PTPRG: variants seen among roughly 807,000 people sequenced by gnomAD.
The protein encoded by PTPRG is protein tyrosine phosphatase receptor type G, also known as receptor-type tyrosine-protein phosphatase gamma.
Under a neutral mutation model 165.3 loss-of-function variants are expected in PTPRG, and 102 were observed. That is an observed-to-expected ratio of 0.62 (90% confidence interval 0.53 to 0.73). The LOEUF (loss-of-function observed/expected upper bound fraction) is 0.73, where lower values mean the gene tolerates loss of function less well. PTPRG is among the 30% of genes least tolerant of loss of function. The probability of loss-of-function intolerance (pLI) is 0.00; values close to 1 mark genes in which losing one functional copy is unlikely to be tolerated. For synonymous variants in PTPRG, 675 were observed against 669.5 expected, an observed-to-expected ratio of 1.01 and a Z score of -0.13; for missense variants, 1,866 against 1,861.4, an observed-to-expected ratio of 1.00 and a Z score of -0.05.
chr3:62,020,656 C>G (rs1379046405), intron 4 of PTPRG, among the ~76,000 whole-genome samples: 1 of 152,034 alleles, frequency 6.6e-6, no homozygotes, highest in Non-Finnish European at 1.5e-5. Context: ...CAGAGGGCAG[C>G]ACCCAGGCCA....
intron 5 of PTPRG, among the ~76,000 whole-genome samples, chr3:62,128,307 T>C (rs527353194): frequency 6.6e-6 from 1 of 152,260 alleles, no homozygotes; most frequent in East Asian, 1.9e-4. Context: ...CATAACTCCT[T>C]TGATCTTAAA....
rs73107184 is a variant in PTPRG, at chr3:61,752,833, T to G, written c.190+3851T>G. On this transcript the variant is annotated intron_variant, in intron 2 of 29. Transcript: ENST00000474889. ...AAAAAAGAAAATATTTGCCAACTCC[T>G]GCTTATAGTAATATAGCCTGGGTTT... Among the ~76,000 whole-genome samples the G allele has an allele frequency of 6.2e-3, 935 of 150,574 alleles. 7 individuals are homozygous for G. The highest frequency in any genetic ancestry group is 0.011 in the Admixed American group (163 of 15,078).
intron 2 of PTPRG, among the ~76,000 whole-genome samples, chr3:61,817,956 G>A (rs1438939770): frequency 6.6e-6 from 1 of 152,184 alleles, no homozygotes; most frequent in East Asian, 1.9e-4. Context: ...TGAGAGTCAA[G>A]TATAGACAAG....
At chr3:62,286,975 T>C (rs567850818) in intron 28 of PTPRG, among the ~76,000 whole-genome samples, 1 of 152,282 alleles carries the variant, frequency 6.6e-6, no homozygotes, top group South Asian at 2.1e-4. Flanking sequence ...TTGATTTGAC[T>C]TGCGAGTTTC....
At chr3:62,079,556 G>A (rs147423051) in intron 5 of PTPRG, among the ~76,000 whole-genome samples, 1 of 152,162 alleles carries the variant, frequency 6.6e-6, no homozygotes, top group Non-Finnish European at 1.5e-5. Context: ...GTGTATGCTG[G>A]GTCATGATAT....
rs576669252 is a variant in PTPRG, at chr3:62,109,477, G to A, written c.616-23125G>A. Among the ~76,000 whole-genome samples the A allele has an allele frequency of 1.8e-3, 276 of 152,278 alleles. 4 individuals are homozygous for A. In the South Asian group the frequency reaches 0.031, roughly 17 times the overall value. ...GCAGTGTAGTTTGAAGTCAGATAGC[G>A]TGATGCCTCCAGCTTTGTTCTTCTT... On this transcript the variant is annotated intron_variant, in intron 5 of 29. Transcript: ENST00000474889.
chr3:61,616,850 C>G (rs963028875), intron 1 of PTPRG, among the ~76,000 whole-genome samples: 1 of 152,326 alleles, frequency 6.6e-6, no homozygotes, highest in South Asian at 2.1e-4. Context: ...GGGACTGAGG[C>G]ACTGCTGCTG....
At chr3:61,941,290 T>C (rs1191805761) in intron 2 of PTPRG, among the ~76,000 whole-genome samples, 3 of 152,256 alleles carry the variant, frequency 2.0e-5, no homozygotes, top group African/African-American at 7.2e-5. Flanking sequence ...TATGATTCTC[T>C]ATCAGGGATA....
intron 2 of PTPRG, among the ~76,000 whole-genome samples, chr3:61,830,880 T>C (rs772894449): frequency 3.3e-5 from 5 of 152,184 alleles, no homozygotes; most frequent in Admixed American, 6.5e-5. Flanking sequence ...TGCCGATGGA[T>C]CTCTTTATCG....
At chr3:61,997,088 T>A (rs2041056933) in intron 3 of PTPRG, among the ~76,000 whole-genome samples, 2 of 152,228 alleles carry the variant, frequency 1.3e-5, no homozygotes, top group Admixed American at 1.3e-4. Context: ...ACCTTGTTCA[T>A]CTCACTCAGT....
Position 61,898,304 on chromosome 3 carries a change from C to G in PTPRG, c.191-91321C>G, listed in dbSNP as rs148554087. ...TCTGGGGCTCAAGAAATCCTCCCAC[C>G]TCAGCCTTCCAAAGTGCTGGGATTA... On this transcript the variant is annotated intron_variant, in intron 2 of 29. Transcript: ENST00000474889. Among the ~76,000 whole-genome samples the G allele has an allele frequency of 4.9e-4, 74 of 152,304 alleles. 1 individual carries two copies. The East Asian group carries it at 6.7e-3, about 14-fold the overall frequency.
chr3:61,719,874 G>T (rs182948862), intron 1 of PTPRG, among the ~76,000 whole-genome samples: 1 of 152,030 alleles, frequency 6.6e-6, no homozygotes, highest in African/African-American at 2.4e-5. Flanking sequence ...TTCCTGGAAC[G>T]TTCTTTTCTG....
At chr3:62,149,905 C>T (rs1461729476) in intron 6 of PTPRG, among the ~76,000 whole-genome samples, 2 of 152,170 alleles carry the variant, frequency 1.3e-5, no homozygotes, top group Non-Finnish European at 2.9e-5. Context: ...TGATCTTTTC[C>T]TTCTGTTTTC....
At chr3:61,783,256 C>G (rs1334178756) in intron 2 of PTPRG, among the ~76,000 whole-genome samples, 1 of 152,100 alleles carries the variant, frequency 6.6e-6, no homozygotes, top group Non-Finnish European at 1.5e-5. Flanking sequence ...GGGAGGATTG[C>G]TTGAGCCCAG....
intron 2 of PTPRG, among the ~76,000 whole-genome samples, chr3:61,833,098 C>CGTGTGTGT (rs1559638079): frequency 1.0e-5 from 1 of 97,046 alleles, no homozygotes; most frequent in Non-Finnish European, 1.9e-5. Context: ...TGTGTGTGTA[C>CGTGTGTGT]ACAGTTTCTT....
chr3:61,567,190 C>T (rs915971291), intron 1 of PTPRG, among the ~76,000 whole-genome samples: 2 of 152,074 alleles, frequency 1.3e-5, no homozygotes, highest in South Asian at 2.1e-4. Flanking sequence ...TTATAGAAGC[C>T]AAGGAGTACA....
chr3:61,912,199 A>C (rs2038818219), intron 2 of PTPRG, among the ~76,000 whole-genome samples: 1 of 152,114 alleles, frequency 6.6e-6, no homozygotes, highest in Non-Finnish European at 1.5e-5. Flanking sequence ...AGTCAGCTTT[A>C]GAAATACCCC....
rs1559583367 is a variant in PTPRG at position 61,738,304 on chromosome 3, A to ATGTG, written c.86-10573_86-10572insGTGT. On this transcript the variant is annotated intron_variant, in intron 1 of 29. Coordinates refer to ENST00000474889, the MANE Select transcript of PTPRG (RefSeq NM_002841.4). The stretch of plus-strand genomic sequence containing the variant: ...CATATATATATATATATATATATAT[A>ATGTG]TATATATACATATATATATATATAT... Among the ~76,000 whole-genome samples, 38 of 84,450 alleles carry ATGTG rather than the reference A, an allele frequency of 4.5e-4. 1 individual carries two copies. Among genetic ancestry groups the ATGTG allele is most frequent in the South Asian group, 1.4e-3 (3 of 2,216 alleles). The allele number at this position is 84,450 out of a possible 152,430, so 55.4% of individuals were successfully genotyped here.
Position 61,722,979 on chromosome 3 carries a change from G to T in PTPRG, c.86-25899G>T, listed in dbSNP as rs543195924. On this transcript the variant is annotated intron_variant, in intron 1 of 29. Transcript: ENST00000474889. The stretch of plus-strand genomic sequence containing the variant: ...ATTATTTGTCGAGTGGGTTTCTCGG[G>T]GTGAGCAGAGGTCGATGATAAATTT... 2.0e-5 allele frequency among the ~76,000 whole-genome samples: 3 copies of T among 151,806 alleles called. No individual in the cohort carries two copies. In the East Asian group the frequency reaches 5.8e-4, roughly 29 times the overall value.
Sources: allele counts gnomAD v4.1 joint callset (sites outside exome capture counted in the v4.1 genomes callset), GRCh38; gene constraint gnomAD v4.1.1; transcripts MANE v1.5; gene names NCBI Gene and HGNC (gene_info 2026-07-23, HGNC 2026-07-21).